SKAP2: variants seen among roughly 807,000 people sequenced by gnomAD.
SKAP2 encodes the protein src kinase associated phosphoprotein 2, also known as src kinase-associated phosphoprotein 2.
A neutral mutation model predicts 54.9 loss-of-function variants in SKAP2; 28 were observed. The observed-to-expected ratio is 0.51, with a 90% CI of 0.38 to 0.70. The LOEUF is 0.70. SKAP2 is among the 30% of genes least tolerant of loss of function. The pLI, the probability that SKAP2 is intolerant of heterozygous loss-of-function variation, is 0.00. For synonymous variants in SKAP2, 137 were observed against 134.3 expected, an observed-to-expected ratio of 1.02 and a Z score of -0.14; for missense variants, 356 against 424.1, an observed-to-expected ratio of 0.84 and a Z score of 1.41.
At chr7:26,714,601 G>C (rs1020792813) in intron 9 of SKAP2, among the ~76,000 whole-genome samples, 1 of 152,096 alleles carries the variant, frequency 6.6e-6, no homozygotes, top group African/African-American at 2.4e-5. Context: ...TGTTGAACTT[G>C]TTCATTCTTA....
intron 4 of SKAP2, among the ~76,000 whole-genome samples, chr7:26,742,945 C>T (rs6971397): frequency 0.82 from 124,412 of 152,080 alleles, 51,513 homozygotes; most frequent in African/African-American, 0.95. Flanking sequence ...ATACCTACAA[C>T]GATTAACGCT....
intron 4 of SKAP2, among the ~76,000 whole-genome samples, chr7:26,833,653 A>G (rs1784644017): frequency 6.6e-6 from 1 of 152,210 alleles, no homozygotes; most frequent in Admixed American, 6.5e-5. Context: ...AAAGACATCA[A>G]TGCAACAAGA....
intron 4 of SKAP2, among the ~76,000 whole-genome samples, chr7:26,759,869 T>C (rs773617319): frequency 6.6e-6 from 1 of 152,126 alleles, no homozygotes; most frequent in Non-Finnish European, 1.5e-5. Context: ...AGAATTCCTG[T>C]GTGTGAAGTA....
At chr7:26,840,129 C>T (rs1366339185) in intron 4 of SKAP2, among the ~76,000 whole-genome samples, 1 of 151,942 alleles carries the variant, frequency 6.6e-6, no homozygotes, top group Non-Finnish European at 1.5e-5. Flanking sequence ...CTTTCAGTAA[C>T]CTAGGTTATT....
At chr7:26,787,916 C>G (rs1192490351) in intron 4 of SKAP2, among the ~76,000 whole-genome samples, 1 of 152,088 alleles carries the variant, frequency 6.6e-6, no homozygotes, top group Non-Finnish European at 1.5e-5. Context: ...AGTGCAGTGG[C>G]TCAATCTTGG....
chr7:26,799,203 G>A (rs1332339924), intron 4 of SKAP2, among the ~76,000 whole-genome samples: 1 of 151,682 alleles, frequency 6.6e-6, no homozygotes, highest in Admixed American at 6.6e-5. Context: ...GCAGGTATTA[G>A]TCCTTACTTA....
chr7:26,706,305 C>A (rs1787154004), intron 9 of SKAP2, among the ~76,000 whole-genome samples: 1 of 152,096 alleles, frequency 6.6e-6, no homozygotes, highest in Admixed American at 6.5e-5. Flanking sequence ...TAAAGTAAAA[C>A]TTCAAACTTT....
intron 4 of SKAP2, among the ~76,000 whole-genome samples, chr7:26,771,601 T>C (rs959399469): frequency 2.6e-5 from 4 of 152,180 alleles, no homozygotes; most frequent in Non-Finnish European, 5.9e-5. Flanking sequence ...AAAATATTCA[T>C]ATTTATATAG....
intron 1 of SKAP2, among the ~76,000 whole-genome samples, 191 bp downstream of exon 1, chr7:26,864,172 A>C (rs1322841632): frequency 6.6e-6 from 1 of 151,316 alleles, no homozygotes. Context: ...ACCAAATTTC[A>C]ACACACACGT....
At chr7:26,765,821 G>C (rs1456774829) in intron 4 of SKAP2, among the ~76,000 whole-genome samples, 1 of 152,166 alleles carries the variant, frequency 6.6e-6, no homozygotes, top group African/African-American at 2.4e-5. Flanking sequence ...CTGTTCCATT[G>C]CTCCATATAT....
At chr7:26,807,532 G>C (rs1784055755) in intron 4 of SKAP2, among the ~76,000 whole-genome samples, 1 of 152,176 alleles carries the variant, frequency 6.6e-6, no homozygotes. Flanking sequence ...CCAGCCATGT[G>C]GAAATGCAAG....
chr7:26,749,591 T>C (rs1437101682), intron 4 of SKAP2, among the ~76,000 whole-genome samples: 2 of 151,820 alleles, frequency 1.3e-5, no homozygotes, highest in African/African-American at 4.8e-5. Flanking sequence ...CTATAAAAAA[T>C]GTATTAATTA....
At chr7:26,861,506 A>G (rs905087590) in intron 1 of SKAP2, among the ~76,000 whole-genome samples, 3 of 152,090 alleles carry the variant, frequency 2.0e-5, no homozygotes, top group Admixed American at 1.3e-4. Flanking sequence ...TATAAAAAGC[A>G]TAGGTCTTCA....
At chr7:26,697,859 G>A (rs1786929162) in intron 9 of SKAP2, among the ~76,000 whole-genome samples, 1 of 151,952 alleles carries the variant, frequency 6.6e-6, no homozygotes, top group Non-Finnish European at 1.5e-5. Context: ...TACCCCAAAT[G>A]CATATGTATT....
chr7:26,738,731 G>C, intron 6 of SKAP2, 64 bp downstream of exon 6: 1 of 824,166 alleles, frequency 1.2e-6, no homozygotes, highest in South Asian at 1.4e-5. Context: ...ACTCAAAAGA[G>C]GGGGAAGGGA....
chr7:26,854,159 A>G lies in SKAP2; in HGVS notation c.177T>C (p.Tyr59=), dbSNP rs1264671768. ...TACCTTTGTCTTGAAATTCCTGAAG[A>G]TAGCTACAAAACAAAGAACATATTT... ...IKKIKDVKSI[Y]LQEFQDKGDA... Residue 59 remains tyrosine (Y), a synonymous_variant, in exon 3 of 13, where the codon TAT becomes TAC. Transcript: ENST00000345317. The G allele has an allele frequency of 6.3e-7, 1 of 1,580,530 alleles. No individual in the cohort carries two copies. The highest frequency in any genetic ancestry group is 8.6e-7 in the Non-Finnish European group (1 of 1,161,734).
At chr7:26,762,653 T>C (rs1313528886) in intron 4 of SKAP2, among the ~76,000 whole-genome samples, 1 of 151,756 alleles carries the variant, frequency 6.6e-6, no homozygotes, top group East Asian at 1.9e-4. Flanking sequence ...CTGGCTAAGA[T>C]GATGAAACCC....
intron 4 of SKAP2, among the ~76,000 whole-genome samples, chr7:26,759,805 T>C (rs1782884194): frequency 6.6e-6 from 1 of 152,104 alleles, no homozygotes; most frequent in Non-Finnish European, 1.5e-5. Context: ...AAAATAAAGG[T>C]AAATACAAGT....
intron 4 of SKAP2, among the ~76,000 whole-genome samples, chr7:26,752,111 C>T (rs535240335): frequency 1.1e-4 from 16 of 152,232 alleles, no homozygotes; most frequent in Admixed American, 2.6e-4. Context: ...CAGAAGACAA[C>T]TTGGAACTAC....
Sources: gnomAD v4.1 joint callset for allele counts (sites outside exome capture counted in the v4.1 genomes callset) on GRCh38, gnomAD v4.1.1 for gene constraint, MANE v1.5 for transcripts, NCBI Gene and HGNC (gene_info 2026-07-23, HGNC 2026-07-21) for gene names.